The following OR51B5 variants were observed in gnomAD, a reference collection of about 807,000 sequenced individuals.
OR51B5 encodes the protein olfactory receptor 51B5.
For missense variants in OR51B5, 456 were observed against 374.6 expected (o/e 1.22, Z -1.79); for synonymous variants, 186 against 144.8 (o/e 1.28, Z -2.04).
At chr11:5,486,284 A>G (rs938434836) in intron 1 of OR51B5, among the ~76,000 whole-genome samples, 2 of 152,092 alleles carry the variant, frequency 1.3e-5, no homozygotes, top group African/African-American at 4.8e-5. Flanking sequence ...TATCTAACAT[A>G]TATTTTACTT....
chr11:5,366,888 C>G (rs534065734), intron 1 of OR51B5, among the ~76,000 whole-genome samples: 1 of 152,302 alleles, frequency 6.6e-6, no homozygotes, highest in East Asian at 1.9e-4. Context: ...GGGGTGCTAT[C>G]TGATTCATGA....
chr11:5,412,217 A>G (rs1850158963), intron 1 of OR51B5, among the ~76,000 whole-genome samples: 2 of 152,178 alleles, frequency 1.3e-5, no homozygotes, highest in South Asian at 2.1e-4. Flanking sequence ...GAATATGACT[A>G]TATCTTCTTG....
intron 1 of OR51B5, chr11:5,440,456 A>C (rs1232873869): frequency 3.1e-6 from 2 of 651,204 alleles, no homozygotes; most frequent in Non-Finnish European, 5.4e-6. Flanking sequence ...TATTAGTGAT[A>C]CATTCACTAC....
intron 1 of OR51B5, among the ~76,000 whole-genome samples, chr11:5,405,988 C>T (rs926380571): frequency 1.3e-5 from 2 of 152,074 alleles, no homozygotes; most frequent in African/African-American, 4.8e-5. Context: ...GTGATTATTT[C>T]CTGAGATGAG....
exon 1 of OR51B5, chr11:5,342,956 G>A (rs774692883): frequency 6.2e-7 from 1 of 1,613,812 alleles, no homozygotes; most frequent in Non-Finnish European, 8.5e-7. Flanking sequence ...GTTGAAGGTG[G>A]TATCAGCACA....
exon 1 of OR51B5, chr11:5,342,679 A>G (rs754910118): frequency 1.2e-6 from 2 of 1,614,032 alleles, no homozygotes; most frequent in South Asian, 1.1e-5. Flanking sequence ...TCATTAGTGG[A>G]GGGAACAGAA....
intron 1 of OR51B5, chr11:5,441,107 A>C: frequency 6.2e-7 from 1 of 1,614,048 alleles, no homozygotes; most frequent in Non-Finnish European, 8.5e-7. Flanking sequence ...GAGTGAGCAC[A>C]GTGACATAGC....
intron 1 of OR51B5, among the ~76,000 whole-genome samples, chr11:5,498,625 C>T (rs190251874): frequency 4.6e-5 from 7 of 152,156 alleles, no homozygotes; most frequent in Non-Finnish European, 7.4e-5. Context: ...GGTCACAATA[C>T]AAGGCCTTGC....
At chr11:5,352,155 C>T (rs1849103828) in intron 1 of OR51B5, 1 of 1,614,162 alleles carries the variant, frequency 6.2e-7, no homozygotes, top group Non-Finnish European at 8.5e-7. Flanking sequence ...TTTTCTCCTA[C>T]ATTTTGATTC....
At chr11:5,404,847 G>A (rs770879750) in intron 1 of OR51B5, among the ~76,000 whole-genome samples, 8 of 152,184 alleles carry the variant, frequency 5.3e-5, no homozygotes, top group Admixed American at 1.3e-4. Flanking sequence ...CAATGCAAAG[G>A]TCTGCGGCTT....
chr11:5,479,888 CTTAGACTCCCACACA>C (rs1350552464), intron 1 of OR51B5, among the ~76,000 whole-genome samples: 2 of 140,050 alleles, frequency 1.4e-5, no homozygotes, highest in Non-Finnish European at 3.1e-5. Flanking sequence ...TACAAAGAGA[CTTAGACTCCCACACA>C]TTAATAATGG....
intron 1 of OR51B5, among the ~76,000 whole-genome samples, chr11:5,440,033 C>T (rs10838107): frequency 0.49 from 73,813 of 151,966 alleles, 19,495 homozygotes; most frequent in Non-Finnish European, 0.59. Context: ...TCCTGCCATC[C>T]TGAATCAAGA....
intron 1 of OR51B5, among the ~76,000 whole-genome samples, chr11:5,483,862 T>A (rs1851462703): frequency 6.6e-6 from 1 of 152,072 alleles, no homozygotes; most frequent in African/African-American, 2.4e-5. Flanking sequence ...ACTGAAGACA[T>A]TAGCCCAGAA....
At chr11:5,429,020 G>T (rs1850491862) in intron 1 of OR51B5, among the ~76,000 whole-genome samples, 1 of 152,140 alleles carries the variant, frequency 6.6e-6, no homozygotes, top group South Asian at 2.1e-4. Context: ...CTTAAGATTG[G>T]TGTTTTGAGA....
At chr11:5,480,626 A>C (rs1475381304) in intron 1 of OR51B5, among the ~76,000 whole-genome samples, 1 of 152,058 alleles carries the variant, frequency 6.6e-6, no homozygotes, top group Non-Finnish European at 1.5e-5. Context: ...CTAATAAAGA[A>C]AAAAAGACAG....
exon 1 of OR51B5, chr11:5,343,109 A>T: frequency 6.2e-7 from 1 of 1,613,014 alleles, no homozygotes; most frequent in Non-Finnish European, 8.5e-7. Flanking sequence ...AATCTTCACT[A>T]CTCGAGTATT....
At position 5,397,430 on chromosome 11, in the gene OR51B5, G is replaced by A. The variant is rs1242324233; in HGVS notation, n.85-50520C>T. On this transcript the variant is annotated intron_variant and non_coding_transcript_variant, in intron 1 of 4. Coordinates refer to the OR51B5 transcript ENST00000415970. ...CTTCTCAAAAGAAGACATTTATGCA[G>A]CCAAAAGACACATGAAAAAATGCTC... is the stretch of plus-strand genomic sequence containing the variant. 3.3e-5 allele frequency among the ~76,000 whole-genome samples: 5 copies of A among 152,218 alleles called. No homozygotes were observed. In the South Asian group the frequency reaches 8.3e-4, roughly 25 times the overall value.
chr11:5,410,250 T>A (rs975700189), intron 1 of OR51B5, among the ~76,000 whole-genome samples: 1 of 152,120 alleles, frequency 6.6e-6, no homozygotes, highest in Non-Finnish European at 1.5e-5. Flanking sequence ...ACAATAATAC[T>A]CATGTTGTAT....
At chr11:5,478,736 C>T (rs1411571759) in intron 1 of OR51B5, among the ~76,000 whole-genome samples, 3 of 150,906 alleles carry the variant, frequency 2.0e-5, no homozygotes, top group Non-Finnish European at 2.9e-5. Context: ...GGAGCCGATG[C>T]GATCAACTGG....
Sources: allele counts gnomAD v4.1 joint callset (sites outside exome capture counted in the v4.1 genomes callset), GRCh38; gene constraint gnomAD v4.1.1; transcripts MANE v1.5; gene names NCBI Gene and HGNC (gene_info 2026-07-23, HGNC 2026-07-21).